CDH23: variants seen among roughly 807,000 people sequenced by gnomAD.
CDH23 encodes cadherin-23.
Under a neutral mutation model 317.1 loss-of-function variants are expected in CDH23, and 189 were observed. The ratio of observed to expected loss-of-function variants is 0.60; its 90% CI spans 0.53 to 0.67. The LOEUF is 0.67. Among genes scored for constraint, CDH23 ranks in the 30% least tolerant of loss-of-function variants. CDH23 has a pLI of 0.00. For synonymous variants in CDH23, 1,839 were observed against 1,876.8 expected, an observed-to-expected ratio of 0.98 and a Z score of 0.52; for missense variants, 4,401 against 4,592.4, an observed-to-expected ratio of 0.96 and a Z score of 1.20.
chr10:71,495,770 T>C (rs1176673711), intron 3 of CDH23, among the ~76,000 whole-genome samples: 2 of 148,904 alleles, frequency 1.3e-5, no homozygotes, highest in African/African-American at 5.0e-5. Context: ...CCAGGAGTTA[T>C]GATTGTGCCA....
At chr10:71,640,295 G>C (rs575357158) in intron 11 of CDH23, among the ~76,000 whole-genome samples, 52 of 152,310 alleles carry the variant, frequency 3.4e-4, no homozygotes, top group African/African-American at 1.1e-3. Flanking sequence ...GCCGACACAT[G>C]GTTCTTCCTA....
rs1165147507 is a variant in CDH23 at position 71,779,404 on chromosome 10, C to T, written c.5325C>T (p.Pro1775=). 1.2e-6 allele frequency: 2 copies of T among 1,613,322 alleles called. No homozygotes were observed. The highest frequency in any genetic ancestry group is 1.7e-6 in the Non-Finnish European group (2 of 1,179,432). ...TFLAHDRDSG[P]NGQVEYSIMD... ...TGGCCCATGACCGAGACTCAGGACC[C>T]AACGGGCAGGTGGAGTACAGCATCA... Residue 1775 remains proline, a synonymous_variant, in exon 41 of 70, where the codon CCC becomes CCT. Transcript: ENST00000224721.
intron 29 of CDH23, among the ~76,000 whole-genome samples, chr10:71,724,740 A>G (rs1471066714): frequency 2.0e-5 from 3 of 152,234 alleles, no homozygotes; most frequent in Non-Finnish European, 4.4e-5. Context: ...CATTGGTCCA[A>G]TCAGAATCCA....
chr10:71,541,893 A>C (rs1370624973), intron 6 of CDH23, among the ~76,000 whole-genome samples: 1 of 152,202 alleles, frequency 6.6e-6, no homozygotes, highest in Non-Finnish European at 1.5e-5. Flanking sequence ...ACAAAATATT[A>C]TTCTTCTTTT....
At chr10:71,681,992 C>T (rs549757975) in intron 17 of CDH23, among the ~76,000 whole-genome samples, 3 of 152,210 alleles carry the variant, frequency 2.0e-5, no homozygotes, top group South Asian at 2.1e-4. Context: ...CCCTGTCCTT[C>T]GAGCAGCTTC....
chr10:71,485,749 C>T (rs940723347), intron 3 of CDH23, among the ~76,000 whole-genome samples: 1 of 152,226 alleles, frequency 6.6e-6, no homozygotes, highest in African/African-American at 2.4e-5. Flanking sequence ...GTAGGCACAT[C>T]TGCCATTGTG....
intron 15 of CDH23, 55 bp from the exon 16 acceptor site, chr10:71,677,401 C>G (rs917754082): frequency 1.2e-4 from 165 of 1,427,954 alleles, no homozygotes; most frequent in Non-Finnish European, 1.5e-4. Flanking sequence ...GCCCCATCAA[C>G]AAGCCTGTTT....
At chr10:71,720,181 C>A (rs1218188855) in intron 28 of CDH23, among the ~76,000 whole-genome samples, 3 of 152,218 alleles carry the variant, frequency 2.0e-5, no homozygotes, top group African/African-American at 7.2e-5. Context: ...TGGTCCCTGG[C>A]AGCCCCTGAG....
rs116453465 is a variant in CDH23, at chr10:71,684,964, G to A, written c.1986+2392G>A. Among the ~76,000 whole-genome samples, 604 of 152,308 alleles carry A rather than the reference G, an allele frequency of 4.0e-3. 10 individuals carry two copies. Among genetic ancestry groups the A allele is most frequent in the African/African-American group, 0.014 (584 of 41,554 alleles). On this transcript the variant is annotated intron_variant, in intron 18 of 69. Coordinates refer to ENST00000224721, the MANE Select transcript of CDH23 (RefSeq NM_022124.6). ...CCTTTCAGTCCCACTTTACAGATGG[G>A]GAGGCTGAGGCTCAGGGAGGACCCA...
At chr10:71,784,115 A>G (rs1033504051) in intron 41 of CDH23, among the ~76,000 whole-genome samples, 172 bp from the exon 42 acceptor site, 1 of 152,148 alleles carries the variant, frequency 6.6e-6, no homozygotes, top group Admixed American at 6.5e-5. Context: ...TGCACATCCC[A>G]GCCCTTGCAG....
intron 60 of CDH23, among the ~76,000 whole-genome samples, chr10:71,808,343 C>T (rs1042430401): frequency 6.6e-6 from 1 of 152,084 alleles, no homozygotes; most frequent in African/African-American, 2.4e-5. Context: ...TCCTTCCATC[C>T]GTCCATCTGT....
At chr10:71,477,196 T>A (rs912910357) in intron 3 of CDH23, among the ~76,000 whole-genome samples, 4 of 152,016 alleles carry the variant, frequency 2.6e-5, no homozygotes, top group Non-Finnish European at 5.9e-5. Flanking sequence ...TGAAATGGAG[T>A]CTTGCTCTAT....
intron 3 of CDH23, among the ~76,000 whole-genome samples, chr10:71,500,622 G>T (rs1853237970): frequency 6.6e-6 from 1 of 152,204 alleles, no homozygotes; most frequent in African/African-American, 2.4e-5. Flanking sequence ...TGAGAAGAAG[G>T]CTGTATTCAG....
intron 14 of CDH23, among the ~76,000 whole-genome samples, chr10:71,660,589 C>G (rs138057463): frequency 1.3e-5 from 2 of 152,262 alleles, no homozygotes; most frequent in Non-Finnish European, 2.9e-5. Flanking sequence ...CAAACTTCTG[C>G]TTTCATCTCA....
chr10:71,785,254 T>A (rs558992518), intron 43 of CDH23, among the ~76,000 whole-genome samples, 154 bp downstream of exon 43: 4 of 152,352 alleles, frequency 2.6e-5, no homozygotes, highest in Non-Finnish European at 5.9e-5. Flanking sequence ...CATGGAATCT[T>A]GGATTCACCA....
chr10:71,472,585 G>A (rs925807891), intron 3 of CDH23, among the ~76,000 whole-genome samples: 1 of 152,212 alleles, frequency 6.6e-6, no homozygotes, highest in Non-Finnish European at 1.5e-5. Context: ...TGGGTGAATG[G>A]CAGGCACATG....
chr10:71,621,256 G>A (rs1564692496), intron 11 of CDH23, among the ~76,000 whole-genome samples: 1 of 152,254 alleles, frequency 6.6e-6, no homozygotes, highest in Non-Finnish European at 1.5e-5. Flanking sequence ...TTTGCTTGGT[G>A]TGGCAGGAAA....
chr10:71,806,078 G>A, intron 56 of CDH23, 81 bp downstream of exon 56: 1 of 1,533,922 alleles, frequency 6.5e-7, no homozygotes, highest in Non-Finnish European at 8.8e-7. Flanking sequence ...TCGCCTCCTG[G>A]AAAGTCCCTA....
chr10:71,660,056 GT>G (rs2132629519), intron 14 of CDH23, among the ~76,000 whole-genome samples: 1 of 149,764 alleles, frequency 6.7e-6, no homozygotes, highest in South Asian at 2.1e-4. Flanking sequence ...TGACTCCCTG[GT>G]TCAAACGATT....
Sources: allele counts gnomAD v4.1 joint callset (sites outside exome capture counted in the v4.1 genomes callset), GRCh38; gene constraint gnomAD v4.1.1; transcripts MANE v1.5; gene names NCBI Gene and HGNC (gene_info 2026-07-23, HGNC 2026-07-21).